Variants in AMZ1 observed in about 807,000 individuals in gnomAD.
The protein encoded by AMZ1 is archaemetzincin-1.
AMZ1 carries 39 observed loss-of-function variants against 29.9 expected under a neutral mutation model. That is an observed-to-expected ratio of 1.30 (90% CI 1.01 to 1.70). AMZ1 has a LOEUF of 1.70. Among genes scored for constraint, AMZ1 ranks in the 40% most tolerant of loss-of-function variants. The probability of loss-of-function intolerance (pLI) is 0.00; values close to 1 mark genes in which losing one functional copy is unlikely to be tolerated. For synonymous variants in AMZ1, 458 were observed against 304.0 expected (o/e 1.51, Z -5.27); for missense variants, 1,041 against 680.6 (o/e 1.53, Z -5.89).
At chr7:2,694,309 G>C (rs1787577146) in intron 1 of AMZ1, among the ~76,000 whole-genome samples, 1 of 152,212 alleles carries the variant, frequency 6.6e-6, no homozygotes, top group Admixed American at 6.5e-5. Flanking sequence ...CCCGGGACTG[G>C]ATGTCCACCA....
chr7:2,700,611 C>G lies in AMZ1; in HGVS notation c.160C>G (p.Leu54Val). 1 of 1,610,848 alleles carries G rather than the reference C, an allele frequency of 6.2e-7. No individual in the cohort carries two copies. Among genetic ancestry groups the G allele is most frequent in the Non-Finnish European group, 8.5e-7 (1 of 1,179,990 alleles). The change falls in exon 2 of 7, where the codon CTC becomes GTC. Residue 54 changes from leucine (L) to valine (V), a missense_variant. Leu to Val is a conservative substitution (Grantham distance 32, BLOSUM62 1). Coordinates refer to ENST00000683327, the MANE Select transcript of AMZ1 (RefSeq NM_001384743.1). ...LAEAYNPQRT[L>V]FCTLLIRTGF... Reference sequence around the variant, plus strand: ...CGAGGCCTACAACCCGCAGAGGACGCTCTTCTGCACCCTGCTCATCCGCAC... The same window carrying G: ...CGAGGCCTACAACCCGCAGAGGACGGTCTTCTGCACCCTGCTCATCCGCAC...
intron 4 of AMZ1, among the ~76,000 whole-genome samples, chr7:2,742,166 G>A (rs1345617608): frequency 6.6e-6 from 1 of 151,630 alleles, no homozygotes; most frequent in African/African-American, 2.4e-5. Context: ...GGATTACAGA[G>A]GTGCACCACC....
At chr7:2,764,384 G>T (rs1163813174), upstream of AMZ1, among the ~76,000 whole-genome samples, 1 of 152,022 alleles carries the variant, frequency 6.6e-6, no homozygotes, top group Non-Finnish European at 1.5e-5. Context: ...CATCCAGGCA[G>T]TCTGGTTTAT....
intron 6 of AMZ1, among the ~76,000 whole-genome samples, chr7:2,711,522 C>G (rs1227967636): frequency 6.6e-6 from 1 of 152,182 alleles, no homozygotes; most frequent in Non-Finnish European, 1.5e-5. Context: ...GGAGACTAAC[C>G]TTGAGAGCAG....
chr7:2,701,223 T>G (rs1465721510), intron 2 of AMZ1, among the ~76,000 whole-genome samples: 1 of 146,126 alleles, frequency 6.8e-6, no homozygotes, highest in African/African-American at 2.6e-5. Flanking sequence ...GGAGTGAGAC[T>G]GTCTCAAAAA....
rs1454850389 is a variant in AMZ1 at position 2,717,466 on chromosome 7, G to GGGCT, written c.*4589_*4592dup. On this transcript the variant is annotated 3_prime_UTR_variant, in exon 7 of 7. Coordinates refer to ENST00000683327, the MANE Select transcript of AMZ1 (RefSeq NM_001384743.1). ...GGGAACCGGCTCGCCCTGTACCCAA[G>GGGCT]GGCTCTCTGGAGCTCACCCCGCACG... Among the ~76,000 whole-genome samples, 1 of 152,208 alleles carries GGGCT rather than the reference G, an allele frequency of 6.6e-6. No homozygotes were observed. The highest frequency in any genetic ancestry group is 2.4e-5 in the African/African-American group (1 of 41,462).
At chr7:2,762,659 A>G, upstream of AMZ1, 1 of 1,599,372 alleles carries the variant, frequency 6.3e-7, no homozygotes, top group Non-Finnish European at 8.5e-7. Flanking sequence ...CAGGACGATG[A>G]GAGGATAAAT....
intron 4 of AMZ1, among the ~76,000 whole-genome samples, chr7:2,736,866 C>T (rs1033688668): frequency 1.3e-5 from 2 of 152,256 alleles, no homozygotes; most frequent in African/African-American, 4.8e-5. Flanking sequence ...TGGCCTCACG[C>T]ACTTCCTTCA....
At chr7:2,759,673 A>G (rs900590393), upstream of AMZ1, among the ~76,000 whole-genome samples, 13 of 152,010 alleles carry the variant, frequency 8.6e-5, no homozygotes, top group African/African-American at 3.1e-4. Flanking sequence ...CGCTGTGCCT[A>G]TTTTTTCAGA....
rs770644151 is a variant in AMZ1 at position 2,700,586 on chromosome 7, C to T, written c.135C>T (p.Ala45=). 55 of 1,610,422 alleles carry T rather than the reference C, an allele frequency of 3.4e-5. 1 individual carries two copies. The highest frequency in any genetic ancestry group is 1.7e-4 in the Admixed American group (10 of 60,022). The part of the protein sequence containing the change: ...AFSPAERLFL[A]EAYNPQRTLF... ...CCCCTGCCGAGCGGCTCTTCCTGGCCGAGGCCTACAACCCGCAGAGGACGC... is the reference window on the plus strand; with the variant it reads ...CCCCTGCCGAGCGGCTCTTCCTGGCTGAGGCCTACAACCCGCAGAGGACGC... Residue 45 remains alanine (A), a synonymous_variant, in exon 2 of 7, where the codon GCC becomes GCT. Coordinates refer to ENST00000683327, the MANE Select transcript of AMZ1 (RefSeq NM_001384743.1).
At chr7:2,686,871 C>G (rs540186025), upstream of AMZ1, among the ~76,000 whole-genome samples, 1 of 152,022 alleles carries the variant, frequency 6.6e-6, no homozygotes, top group African/African-American at 2.4e-5. Flanking sequence ...CCAGCCACCA[C>G]GCCCAGCTAA....
chr7:2,709,619 G>T, intron 5 of AMZ1, 21 bp from the exon 6 acceptor site: 1 of 1,603,696 alleles, frequency 6.2e-7, no homozygotes, highest in Non-Finnish European at 8.5e-7. Context: ...GAGGCAAGGT[G>T]CTTGGTGGCC....
downstream of AMZ1, among the ~76,000 whole-genome samples, chr7:2,719,748 T>A (rs567098138): frequency 6.6e-6 from 1 of 152,114 alleles, no homozygotes; most frequent in East Asian, 1.9e-4. Context: ...TGGTGTGATC[T>A]TGGCTCACTG....
At chr7:2,725,179 G>A (rs1011139849) in intron 4 of AMZ1, among the ~76,000 whole-genome samples, 8 of 152,256 alleles carry the variant, frequency 5.3e-5, no homozygotes, top group Admixed American at 2.6e-4. Flanking sequence ...GACTAGTTCA[G>A]TGGGATGTGG....
At chr7:2,757,686 T>C (rs1235844401) in intron 4 of AMZ1, among the ~76,000 whole-genome samples, 1 of 152,180 alleles carries the variant, frequency 6.6e-6, no homozygotes, top group African/African-American at 2.4e-5. Context: ...TGGTAATCTT[T>C]TCATCCAGCA....
chr7:2,698,709 C>G (rs1562362759), intron 1 of AMZ1, among the ~76,000 whole-genome samples: 1 of 151,854 alleles, frequency 6.6e-6, no homozygotes, highest in African/African-American at 2.4e-5. Context: ...ATTGTACACA[C>G]TTTGTATTCC....
rs200567828 is a variant in AMZ1 at position 2,709,072 on chromosome 7, C to T, written c.602-3C>T. On this transcript the variant is annotated splice_polypyrimidine_tract_variant and splice_region_variant and intron_variant, in intron 4 of 6. Coordinates refer to ENST00000683327, the MANE Select transcript of AMZ1 (RefSeq NM_001384743.1). ...GAGTGCCCTTCTCTCCATCTCTCTC[C>T]AGAAGTGGGCGTCTGCAGCTTCGCC... is the stretch of plus-strand genomic sequence containing the variant. 16 of 1,580,786 alleles carry T rather than the reference C, an allele frequency of 1.0e-5. No individual in the cohort carries two copies. In the East Asian group the frequency reaches 2.7e-4, roughly 27 times the overall value.
Position 2,700,819 on chromosome 7 carries a change from G to A in AMZ1, c.304+64G>A. Reference sequence around the variant, plus strand: ...ACCAGCTTATATATAGCACAAGTGGGGGATGTCTGTGCATAGCCCCCAGGC... The same window carrying A: ...ACCAGCTTATATATAGCACAAGTGGAGGATGTCTGTGCATAGCCCCCAGGC... On this transcript the variant is annotated intron_variant, in intron 2 of 6. Transcript: ENST00000683327. The A allele has an allele frequency of 1.9e-6, 3 of 1,560,792 alleles. No homozygotes were observed. The South Asian group carries it at 3.5e-5, about 18-fold the overall frequency.
chr7:2,746,143 T>C (rs1481965173), intron 4 of AMZ1, among the ~76,000 whole-genome samples: 3 of 152,108 alleles, frequency 2.0e-5, no homozygotes, highest in South Asian at 2.1e-4. Context: ...TACCCAGGAA[T>C]TGAATTCAGC....
Sources: gnomAD v4.1 joint callset for allele counts (sites outside exome capture counted in the v4.1 genomes callset) on GRCh38, gnomAD v4.1.1 for gene constraint, MANE v1.5 for transcripts, NCBI Gene and HGNC (gene_info 2026-07-23, HGNC 2026-07-21) for gene names.